ERP44: variants seen among roughly 807,000 people sequenced by gnomAD.
The protein encoded by ERP44 is endoplasmic reticulum protein 44, also known as endoplasmic reticulum resident protein 44.
Under a neutral mutation model 53.4 loss-of-function variants are expected in ERP44, and 25 were observed. That is an observed-to-expected ratio of 0.47 (90% CI 0.34 to 0.65). ERP44 has a LOEUF of 0.65. ERP44 is among the 30% of genes least tolerant of loss of function. The pLI is 0.01. For synonymous variants in ERP44, 145 were observed against 161.2 expected (o/e 0.90, Z 0.76); for missense variants, 338 against 493.2 (o/e 0.69, Z 2.98).
chr9:100,038,280 T>C (rs1000394308), intron 4 of ERP44, among the ~76,000 whole-genome samples: 6 of 152,058 alleles, frequency 3.9e-5, no homozygotes, highest in Admixed American at 3.9e-4. Context: ...AATCAAAAAA[T>C]AATAACCCCA....
intron 1 of ERP44, among the ~76,000 whole-genome samples, chr9:100,069,263 C>A (rs1325701007): frequency 1.4e-5 from 2 of 148,094 alleles, no homozygotes; most frequent in Non-Finnish European, 3.0e-5. Context: ...TCCCCCTCTG[C>A]GAGAAACACC....
chr9:100,079,814 A>G (rs1826402767), intron 1 of ERP44, among the ~76,000 whole-genome samples: 1 of 152,002 alleles, frequency 6.6e-6, no homozygotes, highest in Non-Finnish European at 1.5e-5. Flanking sequence ...GTATGCCTGT[A>G]GTCCTAGCTT....
At chr9:100,027,772 GT>G (rs916707023) in intron 4 of ERP44, among the ~76,000 whole-genome samples, 1 of 152,108 alleles carries the variant, frequency 6.6e-6, no homozygotes, top group African/African-American at 2.4e-5. Context: ...CCCTGCAATG[GT>G]TATCCATGGC....
chr9:100,028,947 T>G (rs1825739627), intron 4 of ERP44, among the ~76,000 whole-genome samples: 1 of 152,238 alleles, frequency 6.6e-6, no homozygotes, highest in African/African-American at 2.4e-5. Flanking sequence ...TTTTAAAATC[T>G]ATTTCTGAGT....
At chr9:100,098,714 G>A in intron 1 of ERP44, 70 bp downstream of exon 1, 1 of 1,260,102 alleles carries the variant, frequency 7.9e-7, no homozygotes. Flanking sequence ...AGGAGTAGCA[G>A]TGTTCCCCCT....
intron 8 of ERP44, among the ~76,000 whole-genome samples, chr9:100,010,889 G>A (rs1479297248): frequency 7.6e-5 from 9 of 118,756 alleles, no homozygotes; most frequent in Admixed American, 3.4e-4. Flanking sequence ...CGACAAGAGC[G>A]AAACTCCATC....
Position 100,098,957 on chromosome 9 carries a change from C to G in ERP44, c.-117G>C. On this transcript the variant is annotated 5_prime_UTR_variant, in exon 1 of 12. Transcript: ENST00000262455. ...CGACGGCAGCGGAGGATTCTCCAGG[C>G]AGCGGCACCTCGTCCTCTCGACCCG... 2 of 776,782 alleles carry G rather than the reference C, an allele frequency of 2.6e-6. No individual in the cohort carries two copies. Among genetic ancestry groups the G allele is most frequent in the Non-Finnish European group, 4.3e-6 (2 of 462,546 alleles). The allele number at this position is 776,782 out of a possible 1,614,324, so 48.1% of individuals were successfully genotyped here. A position where few individuals can be genotyped will look rare whatever the true frequency, so the allele number is the denominator to read the frequency against.
chr9:100,028,764 A>G (rs948628380), intron 4 of ERP44, among the ~76,000 whole-genome samples: 1 of 152,246 alleles, frequency 6.6e-6, no homozygotes, highest in Admixed American at 6.5e-5. Context: ...TAGAGAGAGT[A>G]GAGCATTACC....
At chr9:100,052,758 A>G (rs1826051949) in intron 3 of ERP44, among the ~76,000 whole-genome samples, 1 of 152,198 alleles carries the variant, frequency 6.6e-6, no homozygotes, top group Non-Finnish European at 1.5e-5. Context: ...TTTTGGTTTT[A>G]TTCATCTTAA....
chr9:100,064,803 T>C (rs1826191803), intron 1 of ERP44, among the ~76,000 whole-genome samples: 1 of 151,020 alleles, frequency 6.6e-6, no homozygotes, highest in South Asian at 2.1e-4. Context: ...ATTTTTGTCT[T>C]GGTTTTCAAC....
chr9:100,052,320 GGAAAAAAAAA>G (rs1826047666), intron 4 of ERP44, 87 bp downstream of exon 4: 1 of 559,594 alleles, frequency 1.8e-6, no homozygotes, highest in Non-Finnish European at 2.9e-6. Context: ...AAAAAGAAAA[GGAAAAAAAAA>G]GAAAAGAAAA....
intron 1 of ERP44, among the ~76,000 whole-genome samples, chr9:100,064,521 C>T (rs564762719): frequency 6.6e-6 from 1 of 152,112 alleles, no homozygotes; most frequent in Non-Finnish European, 1.5e-5. Flanking sequence ...GGTGATGATC[C>T]ACAGACTTAG....
intron 4 of ERP44, among the ~76,000 whole-genome samples, chr9:100,041,952 A>C (rs929222597): frequency 1.3e-5 from 2 of 152,234 alleles, no homozygotes; most frequent in African/African-American, 4.8e-5. Context: ...CTATGAAACT[A>C]CTACAAGAAA....
chr9:100,057,772 CT>C (rs1287024230), intron 3 of ERP44, 47 bp downstream of exon 3: 1 of 1,438,332 alleles, frequency 7.0e-7, no homozygotes, highest in South Asian at 1.2e-5. Context: ...AAAAATTAAC[CT>C]TTAGCAAGTA....
At chr9:100,071,531 C>T (rs1048454832) in intron 1 of ERP44, among the ~76,000 whole-genome samples, 5 of 152,100 alleles carry the variant, frequency 3.3e-5, no homozygotes, top group Admixed American at 6.5e-5. Flanking sequence ...GAGTACTGTA[C>T]GTATTCTTGG....
In ERP44 at chr9:100,040,063, T is replaced by C. The variant is rs1454329947; in HGVS notation, c.286+12354A>G. Among the ~76,000 whole-genome samples, 6 of 152,064 alleles carry C rather than the reference T, an allele frequency of 3.9e-5. No individual in the cohort carries two copies. The South Asian group carries it at 8.3e-4, about 21-fold the overall frequency. The stretch of plus-strand genomic sequence containing the variant: ...GGCAAAAAAAAAGCCCAGGACCTGA[T>C]GGTTTCACTGCTGAATCCTCCCAAA... On this transcript the variant is annotated intron_variant, in intron 4 of 11. Coordinates refer to ENST00000262455, the MANE Select transcript of ERP44 (RefSeq NM_015051.3).
intron 4 of ERP44, among the ~76,000 whole-genome samples, chr9:100,024,771 A>G (rs1830635324): frequency 6.6e-6 from 1 of 152,234 alleles, no homozygotes; most frequent in African/African-American, 2.4e-5. Context: ...CTGAGTAATT[A>G]AGTAAAAACC....
chr9:100,005,019 G>T (rs1254796641), intron 10 of ERP44, among the ~76,000 whole-genome samples: 2 of 152,008 alleles, frequency 1.3e-5, no homozygotes, highest in African/African-American at 4.8e-5. Context: ...CCTTTCATTG[G>T]CTCTTCATGG....
intron 4 of ERP44, among the ~76,000 whole-genome samples, chr9:100,029,592 A>G (rs932845733): frequency 2.6e-5 from 4 of 152,238 alleles, no homozygotes; most frequent in Non-Finnish European, 2.9e-5. Flanking sequence ...TAGCACAGCC[A>G]CTATGGAAGA....
Sources: gnomAD v4.1 joint callset for allele counts (sites outside exome capture counted in the v4.1 genomes callset) on GRCh38, gnomAD v4.1.1 for gene constraint, MANE v1.5 for transcripts, NCBI Gene and HGNC (gene_info 2026-07-23, HGNC 2026-07-21) for gene names.